Variants in DHX37 observed in about 807,000 individuals in gnomAD.
DHX37 encodes the protein DEAH-box helicase 37.
Under a neutral mutation model 134.3 loss-of-function variants are expected in DHX37, and 52 were observed. That is an observed-to-expected ratio of 0.39 (90% CI 0.31 to 0.49). The LOEUF (loss-of-function observed/expected upper bound fraction) is 0.49. Ranked by LOEUF, DHX37 falls within the 20% of genes least tolerant of loss-of-function variation. The pLI is 0.93. For synonymous variants in DHX37, 634 were observed against 670.7 expected (o/e 0.95, Z 0.85); for missense variants, 1,344 against 1,580.8 (o/e 0.85, Z 2.54).
At position 124,946,850 on chromosome 12, in the gene DHX37, A is replaced by G. The variant is rs1211193131; in HGVS notation, c.*952T>C. On this transcript the variant is annotated 3_prime_UTR_variant, in exon 27 of 27. Transcript: ENST00000308736. ...CTGGGTGCAAGGAACATTTTATTCC[A>G]TAACTGTCTCCACCGAAGCCGCAGA... 6.6e-6 allele frequency: 1 copy of G among 152,264 alleles called. No homozygotes were observed. Among genetic ancestry groups the G allele is most frequent in the Non-Finnish European group, 1.5e-5 (1 of 68,088 alleles). The allele number at this position is 152,264 out of a possible 1,614,324, so 9.4% of individuals were successfully genotyped here.
At position 124,972,249 on chromosome 12, in the gene DHX37, G is replaced by A. The variant is rs753727103; in HGVS notation, c.1077+254C>T. On this transcript the variant is annotated intron_variant, in intron 7 of 26. Transcript: ENST00000308736. ...CATTTCACGAGCACCTTCTAGGTAC[G>A]GGCCACTGTGCTAAGCTGTCAGCAT... 9.8e-5 allele frequency among the ~76,000 whole-genome samples: 15 copies of A among 152,348 alleles called. No homozygotes were observed. In the South Asian group the frequency reaches 1.0e-3, roughly 11 times the overall value.
rs768535336 is a variant in DHX37 at position 124,957,128 on chromosome 12, T to A, written c.2165A>T (p.Asn722Ile). The A allele has an allele frequency of 2.7e-6, 4 of 1,498,516 alleles. No homozygotes were observed. The African/African-American group carries it at 5.8e-5, about 22-fold the overall frequency. 92.8% of individuals were successfully genotyped at this position (1,498,516 alleles called of 1,614,324 possible). Residue 722 changes from asparagine to isoleucine, a missense_variant, in exon 17 of 27, where the codon AAC becomes ATC. By Grantham distance (149) the Asn-to-Ile change is moderately radical. Transcript: ENST00000308736. ...GGAGGGGGGCGTCGGGAAGGGGAAG[T>A]TGATGACCTGGGACACAAGGAGACG... ...MKALNVEKVI[N>I]FPFPTPPSVE...
At position 124,954,102 on chromosome 12, in the gene DHX37, G is replaced by C. The variant is rs1334796930; in HGVS notation, c.2563C>G (p.Leu855Val). 1 of 1,609,728 alleles carries C rather than the reference G, an allele frequency of 6.2e-7. No homozygotes were observed. The highest frequency in any genetic ancestry group is 1.1e-5 in the South Asian group (1 of 90,548). The change falls in exon 19 of 27, where the codon CTC becomes GTC. Residue 855 changes from leucine to valine, a missense_variant. Physicochemically the swap from Leu to Val is conservative, Grantham distance 32. Transcript: ENST00000308736. ...GQGASLKLGD[L>V]MVLLGAVGAC... ...GGGCACAAACCCAGCAGCACCATGA[G>C]GTCGCCGAGCTTCAGAGAAGCCCCC... is the stretch of plus-strand genomic sequence containing the variant.
chr12:124,950,949 C>A, intron 21 of DHX37, 145 bp from the exon 22 acceptor site: 1 of 1,226,856 alleles, frequency 8.2e-7, no homozygotes, highest in Non-Finnish European at 1.1e-6. Context: ...GCGGCCCATC[C>A]ACACGCTGGA....
In DHX37 at chr12:124,950,028, C is replaced by A. The variant is rs752488568; in HGVS notation, c.3248G>T (p.Cys1083Phe). 2 of 1,613,262 alleles carry A rather than the reference C, an allele frequency of 1.2e-6. No individual in the cohort carries two copies. The highest frequency in any genetic ancestry group is 1.7e-6 in the Non-Finnish European group (2 of 1,179,688). Residue 1083 changes from cysteine to phenylalanine, a missense_variant, in exon 25 of 27, where the codon TGT becomes TTT. Cys to Phe is a radical substitution (Grantham distance 205, BLOSUM62 -2). This residue lies in a region of DHX37 where 558 missense variants were observed against 650.0 expected (regional missense o/e 0.86). Transcript: ENST00000308736. ...CATGGTGCCGGGGCTGGACAGCAGA[C>A]AGCTCCGGTATGAGGCCAGCTTGCG... ...VFRKLASYRS[C>F]LLSSPGTMLK...
rs372784931 is a variant in DHX37 at position 124,968,657 on chromosome 12, C to T, written c.1294-9G>A. 5.0e-5 allele frequency: 80 copies of T among 1,613,780 alleles called. No homozygotes were observed. The highest frequency in any genetic ancestry group is 2.4e-4 in the African/African-American group (18 of 74,890). On this transcript the variant is annotated splice_polypyrimidine_tract_variant and intron_variant, in intron 9 of 26. Coordinates refer to ENST00000308736, the MANE Select transcript of DHX37 (RefSeq NM_032656.4). ...AACTGCCTGGATTCCACCTGTGGGA[C>T]GCCCAGGAAGGCATGGGGAGTGGGG... is the stretch of plus-strand genomic sequence containing the variant.
intron 4 of DHX37, among the ~76,000 whole-genome samples, chr12:124,979,531 T>A (rs186038854): frequency 9.8e-5 from 15 of 152,360 alleles, no homozygotes; most frequent in African/African-American, 3.1e-4. Flanking sequence ...TCAACATGGA[T>A]GTATCCCAAG....
chr12:124,962,384 C>T (rs1481833462), intron 15 of DHX37, among the ~76,000 whole-genome samples: 5 of 151,748 alleles, frequency 3.3e-5, no homozygotes, highest in Non-Finnish European at 5.9e-5. Context: ...GGCCGGGCGC[C>T]GTGGCTAATG....
intron 21 of DHX37, among the ~76,000 whole-genome samples, chr12:124,952,096 A>T (rs1336874062): frequency 6.6e-6 from 1 of 152,148 alleles, no homozygotes; most frequent in Non-Finnish European, 1.5e-5. Flanking sequence ...GCAGTGAGCT[A>T]TGATTGTGCC....
chr12:124,952,433 C>T lies in DHX37; in HGVS notation c.2833G>A (p.Glu945Lys). 6.2e-7 allele frequency: 1 copy of T among 1,611,306 alleles called. No individual in the cohort carries two copies. The highest frequency in any genetic ancestry group is 8.5e-7 in the Non-Finnish European group (1 of 1,179,710). The change falls in exon 21 of 27, where the codon GAG (glutamate) becomes AAG (lysine). Residue 945 changes from glutamate to lysine, a missense_variant. Around this residue, in one of 7 missense-constraint regions of DHX37, gnomAD observed 558 missense variants for 650.0 expected, o/e 0.86. Coordinates refer to ENST00000308736, the MANE Select transcript of DHX37 (RefSeq NM_032656.4). Reference protein sequence around the residue: ...DHLARRVQSEEMLEDKWRNAY... With the variant: ...DHLARRVQSEKMLEDKWRNAY... ...TTCCTCCACTTGTCCTCCAGCATCT[C>T]CTCGCTCTGGACCCTGCGGGCCAAG...
At chr12:124,968,433 G>A in intron 10 of DHX37, 101 bp downstream of exon 10, 1 of 1,550,302 alleles carries the variant, frequency 6.5e-7, no homozygotes, top group Admixed American at 1.8e-5. Context: ...AGGGTCAAGG[G>A]ACTTTTCTGA....
At chr12:124,959,828 C>CA (rs1373079992) in intron 16 of DHX37, among the ~76,000 whole-genome samples, 13 of 152,244 alleles carry the variant, frequency 8.5e-5, no homozygotes, top group African/African-American at 3.1e-4. Context: ...TGTCCCTGGA[C>CA]AAAAACCTTC....
At chr12:124,967,333 G>C (rs1464785164) in intron 10 of DHX37, 115 bp from the exon 11 acceptor site, 17 of 1,150,824 alleles carry the variant, frequency 1.5e-5, no homozygotes, top group Non-Finnish European at 1.9e-5. Flanking sequence ...AATGGGGGAG[G>C]ACAGGAGTAC....
At position 124,949,516 on chromosome 12, in the gene DHX37, C is replaced by T. The variant is rs533353258; in HGVS notation, c.3290+470G>A. Reference sequence around the variant, plus strand: ...AGGGCCAGGAGGGCAGGATGCCTCCCACTGACACCTGGCGGCTCTGTGGGA... The same window carrying T: ...AGGGCCAGGAGGGCAGGATGCCTCCTACTGACACCTGGCGGCTCTGTGGGA... On this transcript the variant is annotated intron_variant, in intron 25 of 26. Coordinates refer to ENST00000308736, the MANE Select transcript of DHX37 (RefSeq NM_032656.4). This position sits in a 1 kb window ranked among gnomAD's most constrained non-coding sequence, Gnocchi z 4.0. Among the ~76,000 whole-genome samples the T allele has an allele frequency of 1.3e-5, 2 of 152,282 alleles. No homozygotes were observed. The highest frequency in any genetic ancestry group is 4.1e-4 in the South Asian group (2 of 4,822).
chr12:124,953,402 C>T lies in DHX37; in HGVS notation c.2695+478G>A, dbSNP rs756230605. On this transcript the variant is annotated intron_variant, in intron 20 of 26. Transcript: ENST00000308736. ...CTGCCCAGAAGAGACCCAGTGTCCA[C>T]GCTGCCCTCTCTACGCATCGTCCTC... The T allele has an allele frequency of 2.4e-5, 4 of 163,890 alleles. No individual in the cohort carries two copies. In the East Asian group the frequency reaches 6.7e-4, roughly 28 times the overall value. 10.2% of individuals were successfully genotyped at this position (163,890 alleles called of 1,614,324 possible).
intron 10 of DHX37, among the ~76,000 whole-genome samples, chr12:124,968,221 G>A (rs1954435733): frequency 2.0e-5 from 3 of 152,150 alleles, no homozygotes; most frequent in Non-Finnish European, 2.9e-5. Flanking sequence ...GACTCTTGGG[G>A]GGATGTGCCC....
chr12:124,959,217 G>A (rs1307876783), intron 16 of DHX37, among the ~76,000 whole-genome samples: 2 of 152,052 alleles, frequency 1.3e-5, no homozygotes, highest in Non-Finnish European at 2.9e-5. Context: ...GGGATTACAG[G>A]CGTGTGCCAC....
At chr12:124,961,428 A>C (rs1010164325) in intron 15 of DHX37, among the ~76,000 whole-genome samples, 14 of 152,200 alleles carry the variant, frequency 9.2e-5, no homozygotes, top group African/African-American at 2.9e-4. Context: ...ATATTATATA[A>C]AGAACTTTTT....
chr12:124,961,770 A>T (rs1954270673), intron 15 of DHX37, among the ~76,000 whole-genome samples: 1 of 152,184 alleles, frequency 6.6e-6, no homozygotes, highest in African/African-American at 2.4e-5. Flanking sequence ...AAATAACCTA[A>T]TTAAAAAATG....
Sources: gnomAD v4.1 joint callset for allele counts (sites outside exome capture counted in the v4.1 genomes callset) on GRCh38, gnomAD v4.1.1 for gene constraint, gnomAD v4.1.1 regional missense constraint, Gnocchi (gnomAD v3.1) non-coding constraint, MANE v1.5 for transcripts, NCBI Gene and HGNC (gene_info 2026-07-23, HGNC 2026-07-21) for gene names.